Variants in PTPRT observed in about 807,000 individuals in gnomAD.
PTPRT encodes the protein protein tyrosine phosphatase receptor type T.
A neutral mutation model predicts 176.8 loss-of-function variants in PTPRT; 56 were observed. The ratio of observed to expected loss-of-function variants is 0.32; its 90% CI spans 0.26 to 0.40. The LOEUF is 0.40. Among genes scored for constraint, PTPRT ranks in the 10% least tolerant of loss-of-function variants. The probability of loss-of-function intolerance (pLI) is 1.00; values close to 1 mark genes in which losing one functional copy is unlikely to be tolerated. For missense variants in PTPRT, 1,540 were observed against 1,908.2 expected, an observed-to-expected ratio of 0.81 and a Z score of 3.60; for synonymous variants, 783 against 739.0, an observed-to-expected ratio of 1.06 and a Z score of -0.96.
At chr20:42,166,762 T>C (rs979765428) in intron 16 of PTPRT, among the ~76,000 whole-genome samples, 1 of 151,908 alleles carries the variant, frequency 6.6e-6, no homozygotes, top group African/African-American at 2.4e-5. Flanking sequence ...CTACTAAAAG[T>C]ACAAAAAAAT....
chr20:42,466,789 A>C (rs543044191), intron 8 of PTPRT, among the ~76,000 whole-genome samples: 227 of 152,324 alleles, frequency 1.5e-3, no homozygotes, highest in African/African-American at 5.2e-3. Flanking sequence ...TGTATATCTT[A>C]GTGCCAAAAT....
In PTPRT at chr20:42,102,276, G is replaced by C; in HGVS notation, c.3562C>G (p.Arg1188Gly). ...EFQTLNIVTP[R>G]VRPEDCSIGL... is the part of the protein sequence containing the mutation. ...ATGCTGCAGTCCTCGGGCCGCACAC[G>C]GGGTGTCACAATGTTGAGGGTCTGT... Residue 1188 changes from arginine to glycine, a missense_variant, in exon 26 of 31, where the codon CGT becomes GGT. Around this residue, in one of 11 missense-constraint regions of PTPRT, gnomAD observed 342 missense variants for 394.0 expected, o/e 0.87. Transcript: ENST00000373187. The C allele has an allele frequency of 6.2e-7, 1 of 1,614,068 alleles. No individual in the cohort carries two copies. The highest frequency in any genetic ancestry group is 8.5e-7 in the Non-Finnish European group (1 of 1,179,948).
intron 11 of PTPRT, among the ~76,000 whole-genome samples, chr20:42,317,677 G>A (rs2145383922): frequency 6.6e-6 from 1 of 152,270 alleles, no homozygotes; most frequent in Non-Finnish European, 1.5e-5. Context: ...AGAGACACAG[G>A]ACTATTTCAT....
intron 1 of PTPRT, among the ~76,000 whole-genome samples, chr20:43,188,175 C>T (rs1446137086): frequency 6.6e-6 from 1 of 152,086 alleles, no homozygotes; most frequent in Admixed American, 6.6e-5. Context: ...CCCTAGTACC[C>T]CTCCCTCCCC....
intron 1 of PTPRT, among the ~76,000 whole-genome samples, chr20:42,946,349 C>T (rs974461514): frequency 3.3e-5 from 5 of 152,208 alleles, no homozygotes; most frequent in Admixed American, 3.3e-4. Flanking sequence ...CTGGCCAGTC[C>T]TGGGAGGTCC....
chr20:42,389,064 G>A (rs1246671184), intron 9 of PTPRT, among the ~76,000 whole-genome samples: 2 of 150,786 alleles, frequency 1.3e-5, no homozygotes, highest in African/African-American at 2.4e-5. Context: ...CTCATAGGTG[G>A]GAATTGAACA....
intron 6 of PTPRT, among the ~76,000 whole-genome samples, chr20:42,704,905 A>T (rs1335983036): frequency 1.3e-5 from 2 of 152,234 alleles, no homozygotes; most frequent in South Asian, 2.1e-4. Flanking sequence ...CCAAATAAGC[A>T]TCAAAAATAA....
intron 7 of PTPRT, among the ~76,000 whole-genome samples, chr20:42,656,049 A>G (rs1222993790): frequency 1.3e-5 from 2 of 152,186 alleles, no homozygotes; most frequent in Non-Finnish European, 2.9e-5. Context: ...CCTTGAAGCA[A>G]GTTCTCAATG....
intron 6 of PTPRT, among the ~76,000 whole-genome samples, chr20:42,726,162 CTCTG>C (rs2076378151): frequency 6.6e-6 from 1 of 151,674 alleles, no homozygotes; most frequent in African/African-American, 2.4e-5. Context: ...TCACTGCAAC[CTCTG>C]CGTCCCAGGT....
intron 6 of PTPRT, among the ~76,000 whole-genome samples, chr20:42,691,580 T>C (rs978424259): frequency 3.3e-5 from 5 of 152,166 alleles, no homozygotes; most frequent in African/African-American, 1.2e-4. Context: ...GTTTAAGAGA[T>C]GACACCCTCC....
chr20:42,494,303 A>G (rs545155519), intron 7 of PTPRT, among the ~76,000 whole-genome samples: 2 of 152,270 alleles, frequency 1.3e-5, no homozygotes, highest in South Asian at 2.1e-4. Flanking sequence ...TTAGGGAAAC[A>G]ACGTTTTCTC....
chr20:42,673,214 C>CA lies in PTPRT; in HGVS notation c.1153+4651_1153+4652insT, dbSNP rs1212982773. Reference sequence around the variant, plus strand: ...TGACCTTCATCCAACTATTCTGAGTCTCAGTTTTCCTCCCATCTACATCTC... The same window carrying CA: ...TGACCTTCATCCAACTATTCTGAGTCATCAGTTTTCCTCCCATCTACATCTC... On this transcript the variant is annotated intron_variant, in intron 7 of 30. Coordinates refer to ENST00000373187, the MANE Select transcript of PTPRT (RefSeq NM_007050.6). Among the ~76,000 whole-genome samples the CA allele has an allele frequency of 3.3e-5, 5 of 152,280 alleles. No individual in the cohort carries two copies. The East Asian group carries it at 9.7e-4, about 29-fold the overall frequency.
At chr20:42,703,010 A>T (rs962369295) in intron 6 of PTPRT, among the ~76,000 whole-genome samples, 1 of 152,236 alleles carries the variant, frequency 6.6e-6, no homozygotes, top group African/African-American at 2.4e-5. Flanking sequence ...GTATGATCAG[A>T]GTAGGTTCAG....
intron 11 of PTPRT, among the ~76,000 whole-genome samples, chr20:42,338,904 C>T (rs1384929361): frequency 6.6e-6 from 1 of 152,138 alleles, no homozygotes; most frequent in African/African-American, 2.4e-5. Context: ...TCTTCCTGCT[C>T]TCCCCACAAT....
intron 1 of PTPRT, among the ~76,000 whole-genome samples, chr20:42,895,504 C>A (rs1243595645): frequency 1.3e-5 from 2 of 152,248 alleles, no homozygotes; most frequent in East Asian, 3.9e-4. Flanking sequence ...CATGCACAGT[C>A]CACGCAAGGA....
intron 1 of PTPRT, among the ~76,000 whole-genome samples, chr20:42,910,948 AAGG>A (rs1182569105): frequency 6.6e-6 from 1 of 152,160 alleles, no homozygotes; most frequent in Admixed American, 6.5e-5. Flanking sequence ...AGGCAGCAGG[AAGG>A]AGAAGTGCCG....
chr20:42,949,709 G>A (rs1225592094), intron 1 of PTPRT, among the ~76,000 whole-genome samples: 1 of 152,120 alleles, frequency 6.6e-6, no homozygotes, highest in African/African-American at 2.4e-5. Context: ...ACATTATTAG[G>A]TTTTGAAGTA....
chr20:42,171,015 A>G (rs551732258), intron 16 of PTPRT, among the ~76,000 whole-genome samples: 5 of 152,192 alleles, frequency 3.3e-5, no homozygotes, highest in Non-Finnish European at 7.4e-5. Context: ...TTACTCATAC[A>G]TTTTCTTGCC....
intron 1 of PTPRT, among the ~76,000 whole-genome samples, chr20:43,129,613 CTTTTTTTTTTTT>C (rs869293740): frequency 2.3e-5 from 2 of 87,276 alleles, no homozygotes; most frequent in East Asian, 4.3e-4. Context: ...CCAAAGAGTT[CTTTTTTTTTTTT>C]TTTTTTTTTT....
Sources: gnomAD v4.1 joint callset for allele counts (sites outside exome capture counted in the v4.1 genomes callset) on GRCh38, gnomAD v4.1.1 for gene constraint, gnomAD v4.1.1 regional missense constraint, MANE v1.5 for transcripts, NCBI Gene and HGNC (gene_info 2026-07-23, HGNC 2026-07-21) for gene names.